Variants in CDH23 observed in about 807,000 individuals in gnomAD.
The protein encoded by CDH23 is cadherin related 23.
A neutral mutation model predicts 317.1 loss-of-function variants in CDH23; 189 were observed. The ratio of observed to expected loss-of-function variants is 0.60; its 90% CI spans 0.53 to 0.67. The LOEUF (loss-of-function observed/expected upper bound fraction) is 0.67, where lower values mean the gene tolerates loss of function less well. CDH23 is among the 30% of genes least tolerant of loss of function. The pLI is 0.00. For synonymous variants in CDH23, 1,839 were observed against 1,876.8 expected, an observed-to-expected ratio of 0.98 and a Z score of 0.52; for missense variants, 4,401 against 4,592.4, an observed-to-expected ratio of 0.96 and a Z score of 1.20.
intron 3 of CDH23, among the ~76,000 whole-genome samples, chr10:71,460,315 C>G (rs1188672264): frequency 1.3e-5 from 2 of 152,252 alleles, no homozygotes; most frequent in Admixed American, 1.3e-4. Flanking sequence ...AACCTTGGTC[C>G]CCTCTGGCCG....
At position 71,476,233 on chromosome 10, in the gene CDH23, C is replaced by T. The variant is rs977414914; in HGVS notation, c.145+29838C>T. The stretch of plus-strand genomic sequence containing the variant: ...GCTGCATCTTTCATGCACATGCCCC[C>T]GTCCCCACCCCTTCATGCAGAGGAG... On this transcript the variant is annotated intron_variant, in intron 3 of 69. Transcript: ENST00000224721. 8.5e-5 allele frequency among the ~76,000 whole-genome samples: 13 copies of T among 152,276 alleles called. No homozygotes were observed. In the East Asian group the frequency reaches 1.2e-3, roughly 14 times the overall value.
At chr10:71,549,502 C>T (rs1856465939) in intron 6 of CDH23, among the ~76,000 whole-genome samples, 1 of 152,186 alleles carries the variant, frequency 6.6e-6, no homozygotes, top group African/African-American at 2.4e-5. Context: ...TTAAAGTCCT[C>T]CAGGGAAAGA....
chr10:71,802,339 G>C (rs1841579084), intron 53 of CDH23, among the ~76,000 whole-genome samples: 1 of 152,154 alleles, frequency 6.6e-6, no homozygotes, highest in Non-Finnish European at 1.5e-5. Context: ...TGCTGTCAAG[G>C]GCTCTGAAGA....
At chr10:71,428,269 C>A (rs538693688) in intron 1 of CDH23, among the ~76,000 whole-genome samples, 1 of 151,176 alleles carries the variant, frequency 6.6e-6, no homozygotes, top group Admixed American at 6.6e-5. Flanking sequence ...TCCTGAGTAG[C>A]TGGAATTACA....
chr10:71,405,736 C>G (rs998752949), intron 1 of CDH23, among the ~76,000 whole-genome samples: 8 of 152,290 alleles, frequency 5.3e-5, no homozygotes, highest in African/African-American at 1.9e-4. Context: ...TCGTGCCCAG[C>G]CACGGATGGA....
At chr10:71,809,539 A>C (rs1202202199) in intron 60 of CDH23, among the ~76,000 whole-genome samples, 2 of 152,168 alleles carry the variant, frequency 1.3e-5, no homozygotes, top group Non-Finnish European at 2.9e-5. Flanking sequence ...ACAGACACTC[A>C]GGGGGCTCAG....
intron 3 of CDH23, among the ~76,000 whole-genome samples, chr10:71,503,020 A>G (rs755899761): frequency 3.9e-5 from 6 of 152,196 alleles, no homozygotes; most frequent in Non-Finnish European, 7.4e-5. Flanking sequence ...GCAAATAACA[A>G]CAATAAGAGT....
intron 25 of CDH23, among the ~76,000 whole-genome samples, chr10:71,705,405 GAT>G (rs1865748508): frequency 6.6e-6 from 1 of 152,194 alleles, no homozygotes; most frequent in Admixed American, 6.5e-5. Context: ...CCTAGCCTCT[GAT>G]CGTGGCAACA....
chr10:71,705,695 G>A (rs762398845), intron 25 of CDH23, among the ~76,000 whole-genome samples: 2 of 152,206 alleles, frequency 1.3e-5, no homozygotes, highest in African/African-American at 2.4e-5. Flanking sequence ...AAGGGACGGG[G>A]TACTGTTTCC....
At chr10:71,792,681 G>A (rs1841282919) in intron 47 of CDH23, among the ~76,000 whole-genome samples, 1 of 151,124 alleles carries the variant, frequency 6.6e-6, no homozygotes, top group African/African-American at 2.4e-5. Flanking sequence ...AATTAGCCAG[G>A]CATGGTAGTG....
At chr10:71,795,917 C>A in intron 48 of CDH23, 1 of 986,256 alleles carries the variant, frequency 1.0e-6, no homozygotes, top group Non-Finnish European at 1.2e-6. Flanking sequence ...ATGCCCACCA[C>A]ACCCCCACCA....
intron 32 of CDH23, among the ~76,000 whole-genome samples, chr10:71,733,967 C>T (rs531100149): frequency 1.3e-5 from 2 of 152,294 alleles, no homozygotes; most frequent in East Asian, 1.9e-4. Context: ...CAAATCAGAG[C>T]GCCACAAGAA....
chr10:71,496,311 T>A (rs1038602241), intron 3 of CDH23, among the ~76,000 whole-genome samples: 2 of 150,126 alleles, frequency 1.3e-5, no homozygotes, highest in African/African-American at 4.9e-5. Context: ...ATTTTGAACA[T>A]GGGAAGTGGC....
At chr10:71,710,239 A>C (rs978924379) in intron 27 of CDH23, among the ~76,000 whole-genome samples, 1 of 152,212 alleles carries the variant, frequency 6.6e-6, no homozygotes, top group African/African-American at 2.4e-5. Flanking sequence ...GCGGCATGGA[A>C]GACAGCACTT....
At position 71,624,659 on chromosome 10, in the gene CDH23, G is replaced by A. The variant is rs552338572; in HGVS notation, c.1134+7266G>A. Among the ~76,000 whole-genome samples, 140 of 151,946 alleles carry A rather than the reference G, an allele frequency of 9.2e-4. 3 individuals are homozygous for A. In the South Asian group the frequency reaches 0.028, roughly 31 times the overall value. On this transcript the variant is annotated intron_variant, in intron 11 of 69. Coordinates refer to ENST00000224721, the MANE Select transcript of CDH23 (RefSeq NM_022124.6). Reference sequence around the variant, plus strand: ...AGGCTGCAATGGGCTATGATTGCACGGCTGCACTCCAGCCTGGGTGACAGA... The same window carrying A: ...AGGCTGCAATGGGCTATGATTGCACAGCTGCACTCCAGCCTGGGTGACAGA...
chr10:71,809,043 G>T (rs1159522312), intron 60 of CDH23, among the ~76,000 whole-genome samples: 3 of 152,120 alleles, frequency 2.0e-5, no homozygotes, highest in Non-Finnish European at 2.9e-5. Context: ...AGGCTCAGTA[G>T]CTTGCTTGAG....
At chr10:71,789,619 G>A (rs1037583999) in intron 45 of CDH23, among the ~76,000 whole-genome samples, 5 of 152,196 alleles carry the variant, frequency 3.3e-5, no homozygotes, top group African/African-American at 4.8e-5. Context: ...ATCCCCCCTA[G>A]GTGAATTTCA....
chr10:71,682,459 C>T lies in CDH23; in HGVS notation c.1873C>T (p.Arg625Cys), dbSNP rs374592204. 102 of 1,611,768 alleles carry T rather than the reference C, an allele frequency of 6.3e-5. No homozygotes were observed. Among genetic ancestry groups the T allele is most frequent in the African/African-American group, 1.2e-4 (9 of 74,912 alleles). The change falls in exon 18 of 70, where the codon CGC becomes TGC. Residue 625 changes from arginine (R) to cysteine (C), a missense_variant. Physicochemically the swap from Arg to Cys is radical, Grantham distance 180 (BLOSUM62 -3). Transcript: ENST00000224721. ...YEGYGVISVS[R>C]PLDYEQISNG... is the part of the protein sequence containing the mutation. ...TGTCATTGCAGTGATCAGCGTCAGT[C>T]GCCCCCTGGATTATGAACAGATATC...
intron 38 of CDH23, chr10:71,755,267 C>T: frequency 6.3e-6 from 7 of 1,114,964 alleles, no homozygotes; most frequent in South Asian, 5.6e-5. Context: ...ATTGTGCCTG[C>T]ATCGTGCCTT....
Sources: gnomAD v4.1 joint callset for allele counts (sites outside exome capture counted in the v4.1 genomes callset) on GRCh38, gnomAD v4.1.1 for gene constraint, MANE v1.5 for transcripts, NCBI Gene and HGNC (gene_info 2026-07-23, HGNC 2026-07-21) for gene names.